The following CHIC2 variants were observed in gnomAD, a reference collection of about 807,000 sequenced individuals.
The protein encoded by CHIC2 is cysteine rich hydrophobic domain 2, also known as cysteine-rich hydrophobic domain-containing protein 2.
In CHIC2, 14 loss-of-function variants were observed where a neutral mutation model predicts 25.9. The observed-to-expected ratio is 0.54, with a 90% CI of 0.36 to 0.85. The LOEUF (loss-of-function observed/expected upper bound fraction) is 0.85. Ranked by LOEUF, CHIC2 falls within the 40% of genes least tolerant of loss-of-function variation. The pLI, the probability that CHIC2 is intolerant of heterozygous loss-of-function variation, is 0.01. For missense variants in CHIC2, 146 were observed against 202.0 expected, an observed-to-expected ratio of 0.72 and a Z score of 1.68; for synonymous variants, 70 against 72.0, an observed-to-expected ratio of 0.97 and a Z score of 0.14.
In CHIC2 at chr4:54,064,476, T is replaced by TCGC; in HGVS notation, c.-179_-177dup. 7 of 1,450,140 alleles carry TCGC rather than the reference T, an allele frequency of 4.8e-6. No homozygotes were observed. In the South Asian group the frequency reaches 1.0e-4, roughly 21 times the overall value. The allele number at this position is 1,450,140 out of a possible 1,614,324, so 89.8% of individuals were successfully genotyped here. A position where few individuals can be genotyped will look rare whatever the true frequency, so the allele number is the denominator to read the frequency against. On this transcript the variant is annotated 5_prime_UTR_variant, in exon 1 of 6. Coordinates refer to ENST00000263921, the MANE Select transcript of CHIC2 (RefSeq NM_012110.4). The surrounding 1 kb of genome is among the most constrained non-coding windows in gnomAD (Gnocchi z 4.2). ...TACAGAGGGGATGGGGTCTGGACCG[T>TCGC]CGCCGCCACCGCCGCCGCCATTACC... is the stretch of plus-strand genomic sequence containing the variant.
rs566608017 is a variant in CHIC2, at chr4:54,056,845, G to A, written c.119+7337C>T. 2.6e-5 allele frequency among the ~76,000 whole-genome samples: 4 copies of A among 152,206 alleles called. No individual in the cohort carries two copies. In the South Asian group the frequency reaches 8.3e-4, roughly 32 times the overall value. ...CCTCAAATCTAATGAATCATGTACT[G>A]AGGGCTGTCACATACTACACACCTT... is the stretch of plus-strand genomic sequence containing the variant. On this transcript the variant is annotated intron_variant, in intron 1 of 5. Transcript: ENST00000263921.
At chr4:54,017,100 G>A (rs1183861758) in intron 3 of CHIC2, among the ~76,000 whole-genome samples, 1 of 151,822 alleles carries the variant, frequency 6.6e-6, no homozygotes, top group Non-Finnish European at 1.5e-5. Context: ...TAGTCATCTA[G>A]ATAAAAGTTA....
chr4:54,040,151 G>T (rs766996510), intron 3 of CHIC2, among the ~76,000 whole-genome samples: 2 of 152,092 alleles, frequency 1.3e-5, no homozygotes, highest in Non-Finnish European at 2.9e-5. Context: ...AAAACTCTAT[G>T]CGTTTATCAA....
intron 3 of CHIC2, among the ~76,000 whole-genome samples, chr4:54,044,917 A>G (rs1172854633): frequency 1.3e-5 from 2 of 152,172 alleles, no homozygotes; most frequent in Non-Finnish European, 1.5e-5. Context: ...CTAATAAAGA[A>G]GAAAAGAGAG....
chr4:54,018,935 T>C, intron 3 of CHIC2, among the ~76,000 whole-genome samples: 1 of 152,100 alleles, frequency 6.6e-6, no homozygotes, highest in East Asian at 1.9e-4. Flanking sequence ...TTAACTAAAA[T>C]GTTTTGAATA....
chr4:54,077,380 C>T, the CHIC2 span, among the ~76,000 whole-genome samples: 1 of 152,202 alleles, frequency 6.6e-6, no homozygotes, highest in African/African-American at 2.4e-5. Context: ...TTTTTCTCTT[C>T]CAGTCTTTCT....
At chr4:54,079,321 A>G in the CHIC2 span, among the ~76,000 whole-genome samples, 1 of 152,186 alleles carries the variant, frequency 6.6e-6, no homozygotes, top group Admixed American at 6.6e-5. Context: ...TAGAACAAAA[A>G]ATAGGGGAAA....
At chr4:54,020,444 G>GA (rs1307873062) in intron 3 of CHIC2, among the ~76,000 whole-genome samples, 1 of 152,188 alleles carries the variant, frequency 6.6e-6, no homozygotes, top group East Asian at 1.9e-4. Flanking sequence ...GCACCCAGGT[G>GA]AAATAAACAG....
intron 3 of CHIC2, among the ~76,000 whole-genome samples, chr4:54,019,940 A>G (rs1295797780): frequency 1.3e-5 from 2 of 152,196 alleles, no homozygotes; most frequent in Admixed American, 1.3e-4. Flanking sequence ...ATTAATAAAT[A>G]TAGTTTCAAC....
the CHIC2 span, among the ~76,000 whole-genome samples, chr4:54,077,815 C>A: frequency 6.6e-6 from 1 of 152,290 alleles, no homozygotes; most frequent in East Asian, 1.9e-4. Flanking sequence ...CTGTGAGGAC[C>A]TGTTGTTCAA....
rs1715661965 is a variant in CHIC2 at position 54,013,823 on chromosome 4, G to A, written c.447+14C>T. The A allele has an allele frequency of 1.2e-6, 2 of 1,611,072 alleles. No individual in the cohort carries two copies. The highest frequency in any genetic ancestry group is 2.2e-5 in the East Asian group (1 of 44,840). ...ATTTAATAGAGAAACTCACAAAACA[G>A]CCCTTTAACTTACATATTCCATCAT... On this transcript the variant is annotated intron_variant, in intron 5 of 5. Transcript: ENST00000263921.
intron 3 of CHIC2, among the ~76,000 whole-genome samples, chr4:54,044,988 A>G (rs1716735744): frequency 6.6e-6 from 1 of 152,266 alleles, no homozygotes; most frequent in Non-Finnish European, 1.5e-5. Flanking sequence ...TCCCACAGAA[A>G]TACAAACTAC....
chr4:54,065,238 A>AAT, upstream of CHIC2: 1 of 644,868 alleles, frequency 1.6e-6, no homozygotes, highest in African/African-American at 2.0e-5. Flanking sequence ...CGATGCTGGT[A>AAT]TTTTTTTTTT....
chr4:54,025,975 G>A (rs1344432546), intron 3 of CHIC2, among the ~76,000 whole-genome samples: 3 of 152,104 alleles, frequency 2.0e-5, no homozygotes, highest in Non-Finnish European at 4.4e-5. Flanking sequence ...ACCAGCATTT[G>A]TGGATCCTCA....
chr4:54,042,160 T>A (rs773480850), intron 3 of CHIC2, among the ~76,000 whole-genome samples: 1 of 152,174 alleles, frequency 6.6e-6, no homozygotes, highest in African/African-American at 2.4e-5. Flanking sequence ...AGGACAGATA[T>A]GTATGGCTTT....
intron 1 of CHIC2, among the ~76,000 whole-genome samples, chr4:54,053,729 T>C (rs932816009): frequency 2.0e-5 from 3 of 152,184 alleles, no homozygotes; most frequent in Admixed American, 1.3e-4. Flanking sequence ...CATTTGTTTT[T>C]TTTTAAATAA....
At chr4:54,026,919 T>C (rs1360046391) in intron 3 of CHIC2, among the ~76,000 whole-genome samples, 1 of 152,202 alleles carries the variant, frequency 6.6e-6, no homozygotes, top group Non-Finnish European at 1.5e-5. Flanking sequence ...GATTTTATAA[T>C]GAAAAATTTT....
intron 5 of CHIC2, among the ~76,000 whole-genome samples, chr4:54,012,218 G>C (rs1007537062): frequency 6.6e-6 from 1 of 151,812 alleles, no homozygotes; most frequent in Non-Finnish European, 1.5e-5. Context: ...TCCCCAGCTA[G>C]ACTACTGGCA....
chr4:54,068,350 A>G (rs1460780895), upstream of CHIC2, among the ~76,000 whole-genome samples: 4 of 152,154 alleles, frequency 2.6e-5, no homozygotes, highest in African/African-American at 9.7e-5. Flanking sequence ...GCCCTCATAA[A>G]AGAGGCCCCA....
Sources: gnomAD v4.1 joint callset for allele counts (sites outside exome capture counted in the v4.1 genomes callset) on GRCh38, gnomAD v4.1.1 for gene constraint, Gnocchi (gnomAD v3.1) non-coding constraint, MANE v1.5 for transcripts, NCBI Gene and HGNC (gene_info 2026-07-23, HGNC 2026-07-21) for gene names.